MYCBP2: variants seen among roughly 807,000 people sequenced by gnomAD.
MYCBP2 encodes E3 ubiquitin-protein ligase MYCBP2.
MYCBP2 carries 120 observed loss-of-function variants against 525.3 expected under a neutral mutation model. That is an observed-to-expected ratio of 0.23 (90% confidence interval 0.20 to 0.27). The LOEUF is 0.27. MYCBP2 is among the 10% of genes least tolerant of loss of function. The pLI is 1.00. For missense variants in MYCBP2, 4,149 were observed against 5,657.1 expected, an observed-to-expected ratio of 0.73 and a Z score of 8.55; for synonymous variants, 1,894 against 1,955.8, an observed-to-expected ratio of 0.97 and a Z score of 0.83.
At chr13:77,270,910 C>T (rs2074789487) in intron 5 of MYCBP2, among the ~76,000 whole-genome samples, 3 of 152,056 alleles carry the variant, frequency 2.0e-5, no homozygotes, top group Admixed American at 2.0e-4. Flanking sequence ...CTCTCTGTTG[C>T]ATTCTAGATA....
At position 77,094,550 on chromosome 13, in the gene MYCBP2, C is replaced by G. The variant is rs567486580; in HGVS notation, c.10199+808G>C. ...AGAGCCCGACATTACTTGGGTGAAC[C>G]AATCACTTTGAACGGGCTTTCACAT... On this transcript the variant is annotated intron_variant, in intron 58 of 82. Transcript: ENST00000544440. Among the ~76,000 whole-genome samples, 3 of 152,272 alleles carry G rather than the reference C, an allele frequency of 2.0e-5. No homozygotes were observed. In the East Asian group the frequency reaches 5.8e-4, roughly 29 times the overall value.
intron 3 of MYCBP2, among the ~76,000 whole-genome samples, chr13:77,279,326 A>G (rs2075954902): frequency 6.6e-6 from 1 of 152,164 alleles, no homozygotes; most frequent in African/African-American, 2.4e-5. Flanking sequence ...GATGATCACA[A>G]AACAATTTAA....
At position 77,089,046 on chromosome 13, in the gene MYCBP2, G is replaced by A. The variant is rs768685205; in HGVS notation, c.10526-15C>T. ...AGAACCAACTTCTATTAAAGAAAAA[G>A]AAAATTATTAATTTTCATAGGCAGT... On this transcript the variant is annotated splice_polypyrimidine_tract_variant and intron_variant, in intron 60 of 82. Coordinates refer to ENST00000544440, the MANE Select transcript of MYCBP2 (RefSeq NM_015057.5). 1 of 1,584,676 alleles carries A rather than the reference G, an allele frequency of 6.3e-7. No individual in the cohort carries two copies. Among genetic ancestry groups the A allele is most frequent in the Admixed American group, 1.8e-5 (1 of 56,996 alleles).
At position 77,185,944 on chromosome 13, in the gene MYCBP2, C is replaced by G; in HGVS notation, c.4371G>C (p.Glu1457Asp). 2 of 1,613,860 alleles carry G rather than the reference C, an allele frequency of 1.2e-6. No homozygotes were observed. The highest frequency in any genetic ancestry group is 1.7e-6 in the Non-Finnish European group (2 of 1,179,870). ...FQFTATLLDLERLRFVGTCCL... is the reference protein window; with the variant it reads ...FQFTATLLDLDRLRFVGTCCL... ...AACAGGTACCCACAAAGCGCAGTCT[C>G]TCTAAATCTAGGAGTGTAGCTGTGA... The change falls in exon 31 of 83, where the codon GAG becomes GAC. Residue 1457 changes from glutamate (E) to aspartate (D), a missense_variant. Glu to Asp is a conservative substitution (Grantham distance 45). Around this residue, in one of 21 missense-constraint regions of MYCBP2, gnomAD observed 292 missense variants for 330.5 expected, o/e 0.88. Coordinates refer to ENST00000544440, the MANE Select transcript of MYCBP2 (RefSeq NM_015057.5).
At chr13:77,312,454 G>A (rs2080373226) in intron 1 of MYCBP2, among the ~76,000 whole-genome samples, 1 of 151,998 alleles carries the variant, frequency 6.6e-6, no homozygotes, top group Non-Finnish European at 1.5e-5. Flanking sequence ...CTCTGGGGGA[G>A]GGGAGAATAA....
At chr13:77,292,696 T>C (rs9530632) in intron 2 of MYCBP2, among the ~76,000 whole-genome samples, 92,064 of 151,970 alleles carry the variant, frequency 0.61, 30,042 homozygotes, top group Non-Finnish European at 0.74. Flanking sequence ...CGGTGGCTTG[T>C]GCCTGTAATC....
chr13:77,287,178 C>A (rs1457351096), intron 3 of MYCBP2, among the ~76,000 whole-genome samples: 1 of 140,210 alleles, frequency 7.1e-6, no homozygotes, highest in African/African-American at 2.6e-5. Flanking sequence ...TGAGCCATTA[C>A]GCCCAGCCAG....
At chr13:77,075,286 C>G (rs1292899567) in intron 68 of MYCBP2, among the ~76,000 whole-genome samples, 1 of 152,138 alleles carries the variant, frequency 6.6e-6, no homozygotes. Context: ...TTGAATGATA[C>G]AGTTTAAAAT....
intron 75 of MYCBP2, 46 bp from the exon 76 acceptor site, chr13:77,061,347 TC>T (rs751492065): frequency 6.8e-7 from 1 of 1,477,850 alleles, no homozygotes; most frequent in Non-Finnish European, 9.2e-7. Flanking sequence ...TATTTATCAC[TC>T]TGAAAGGGAG....
rs193068770 is a variant in MYCBP2, at chr13:77,046,180, G to T, written c.13922-687C>A. Among the ~76,000 whole-genome samples the T allele has an allele frequency of 1.5e-3, 234 of 152,190 alleles. 1 individual carries two copies. The highest frequency in any genetic ancestry group is 2.3e-3 in the South Asian group (11 of 4,822). ...GTACCAAAAACAGTATTTTAAAAAA[G>T]AAAATTATTATATTAATGTGCTTCA... On this transcript the variant is annotated intron_variant, in intron 82 of 82. Transcript: ENST00000544440.
At chr13:77,309,486 T>C (rs1173531085) in intron 1 of MYCBP2, among the ~76,000 whole-genome samples, 1 of 152,204 alleles carries the variant, frequency 6.6e-6, no homozygotes, top group African/African-American at 2.4e-5. Flanking sequence ...TCTGAAATCA[T>C]AAGCCTGAGA....
At chr13:77,049,170 G>A (rs758663415) in intron 82 of MYCBP2, among the ~76,000 whole-genome samples, 1 of 151,720 alleles carries the variant, frequency 6.6e-6, no homozygotes, top group Non-Finnish European at 1.5e-5. Context: ...CCCTTCACTT[G>A]CTGACCTCCA....
rs774091673 is a variant in MYCBP2, at chr13:77,217,934, G to A, written c.2963C>T (p.Ala988Val). 2 of 1,607,712 alleles carry A rather than the reference G, an allele frequency of 1.2e-6. No homozygotes were observed. The highest frequency in any genetic ancestry group is 1.7e-6 in the Non-Finnish European group (2 of 1,177,148). ...GACTTGTGTGCTAGGGCCTGGCAAT[G>A]CTTGAACAAGAGTGGGACATCCCCT... ...NSRGCPTLVQ[A>V]LPGPSTQVTA... Residue 988 changes from alanine to valine, a missense_variant, in exon 21 of 83, where the codon GCA (alanine) becomes GTA (valine). Ala to Val is a moderately conservative substitution (Grantham distance 64). This residue lies in a region of MYCBP2 where 620 missense variants were observed against 795.5 expected (regional missense o/e 0.78). Transcript: ENST00000544440.
chr13:77,293,523 C>A (rs528573586), intron 2 of MYCBP2, among the ~76,000 whole-genome samples: 2 of 152,126 alleles, frequency 1.3e-5, no homozygotes, highest in African/African-American at 4.8e-5. Context: ...AACTTCTATA[C>A]CCTAATTCCC....
chr13:77,077,582 A>C, intron 66 of MYCBP2, 195 bp from the exon 67 acceptor site: 2 of 598,600 alleles, frequency 3.3e-6, no homozygotes, highest in Non-Finnish European at 5.5e-6. Flanking sequence ...GCTATTACAC[A>C]GATGAAGAAA....
At chr13:77,116,214 A>G (rs937241827) in intron 55 of MYCBP2, among the ~76,000 whole-genome samples, 1 of 152,028 alleles carries the variant, frequency 6.6e-6, no homozygotes, top group Non-Finnish European at 1.5e-5. Flanking sequence ...AGTTGAGTAA[A>G]TATGGTCTTC....
intron 14 of MYCBP2, among the ~76,000 whole-genome samples, chr13:77,256,925 T>C (rs1032311414): frequency 9.2e-5 from 14 of 152,178 alleles, no homozygotes; most frequent in South Asian, 6.2e-4. Flanking sequence ...AAGAGATATC[T>C]GCACTCTCAT....
chr13:77,244,025 TA>T (rs2069410976), intron 15 of MYCBP2, 74 bp from the exon 16 acceptor site: 3 of 1,401,180 alleles, frequency 2.1e-6, no homozygotes, highest in Admixed American at 6.1e-5. Flanking sequence ...CTCTTTTCTA[TA>T]ACTTATTTTC....
chr13:77,190,760 A>G (rs2061220582), intron 28 of MYCBP2, among the ~76,000 whole-genome samples: 1 of 152,222 alleles, frequency 6.6e-6, no homozygotes, highest in Admixed American at 6.5e-5. Context: ...TTCTAAAGAC[A>G]TTCTTAAGTT....
Sources: allele counts gnomAD v4.1 joint callset (sites outside exome capture counted in the v4.1 genomes callset), GRCh38; gene constraint gnomAD v4.1.1; regional missense constraint gnomAD v4.1.1; transcripts MANE v1.5; gene names NCBI Gene and HGNC (gene_info 2026-07-23, HGNC 2026-07-21).